Variants in RSU1 observed in about 807,000 individuals in gnomAD.
RSU1 encodes the protein Ras suppressor protein 1.
In RSU1, 26 loss-of-function variants were observed where a neutral mutation model predicts 31.1. That is an observed-to-expected ratio of 0.84 (90% CI 0.61 to 1.16). The LOEUF (loss-of-function observed/expected upper bound fraction) is 1.16, where lower values mean the gene tolerates loss of function less well. Among genes scored for constraint, RSU1 ranks in the 50% most tolerant of loss-of-function variants. The pLI is 0.00. For missense variants in RSU1, 320 were observed against 339.1 expected (o/e 0.94, Z 0.44); for synonymous variants, 164 against 136.3 (o/e 1.20, Z -1.41).
intron 8 of RSU1, among the ~76,000 whole-genome samples, chr10:16,674,344 T>G (rs922040083): frequency 6.6e-6 from 1 of 150,386 alleles, no homozygotes; most frequent in Non-Finnish European, 1.5e-5. Flanking sequence ...TCTGAGCAAC[T>G]CAGACACAAG....
At chr10:16,673,273 G>C (rs1444339904) in intron 8 of RSU1, among the ~76,000 whole-genome samples, 1 of 152,208 alleles carries the variant, frequency 6.6e-6, no homozygotes. Flanking sequence ...TGGAGTCCCT[G>C]TTTCTCTTTT....
At position 16,593,045 on chromosome 10, in the gene RSU1, C is replaced by G; in HGVS notation, c.*349G>C. The stretch of plus-strand genomic sequence containing the variant: ...AAAGAGTGAAAAGTGTTAACAGTGA[C>G]ATTTAAATGGTTACATGATTTTAAT... On this transcript the variant is annotated 3_prime_UTR_variant, in exon 9 of 9. Transcript: ENST00000345264. 1 of 178,392 alleles carries G rather than the reference C, an allele frequency of 5.6e-6. No homozygotes were observed. The highest frequency in any genetic ancestry group is 1.2e-5 in the Non-Finnish European group (1 of 84,604). The allele number at this position is 178,392 out of a possible 1,614,324, so 11.1% of individuals were successfully genotyped here.
chr10:16,714,396 T>C (rs1315764500), intron 7 of RSU1, among the ~76,000 whole-genome samples: 1 of 152,182 alleles, frequency 6.6e-6, no homozygotes, highest in African/African-American at 2.4e-5. Flanking sequence ...CTGGACCAGC[T>C]GTCAGGCTAG....
chr10:16,737,390 C>T (rs1187390385), intron 7 of RSU1, among the ~76,000 whole-genome samples: 1 of 151,110 alleles, frequency 6.6e-6, no homozygotes, highest in Non-Finnish European at 1.5e-5. Flanking sequence ...ACACAGAGAA[C>T]AATGTAAGAA....
At chr10:16,778,116 G>A (rs1837573613) in intron 3 of RSU1, among the ~76,000 whole-genome samples, 2 of 150,618 alleles carry the variant, frequency 1.3e-5, no homozygotes. Flanking sequence ...AAACTCCTGG[G>A]TTGAAGTGAT....
chr10:16,776,570 G>A (rs1047806642), intron 3 of RSU1, among the ~76,000 whole-genome samples: 3 of 151,720 alleles, frequency 2.0e-5, no homozygotes, highest in African/African-American at 7.3e-5. Flanking sequence ...TAAATGATGA[G>A]ATATGGTCAC....
intron 7 of RSU1, among the ~76,000 whole-genome samples, chr10:16,733,369 G>A (rs1366178729): frequency 1.3e-5 from 2 of 150,472 alleles, no homozygotes; most frequent in Non-Finnish European, 3.0e-5. Context: ...TGAGCCAAGC[G>A]TGGTGGCAGG....
chr10:16,789,889 T>G (rs1230035343), intron 2 of RSU1, among the ~76,000 whole-genome samples: 1 of 152,212 alleles, frequency 6.6e-6, no homozygotes, highest in Non-Finnish European at 1.5e-5. Flanking sequence ...AAAATTCAAC[T>G]CAGTAACTAA....
chr10:16,766,208 C>T (rs1184509412), intron 3 of RSU1, among the ~76,000 whole-genome samples: 3 of 152,150 alleles, frequency 2.0e-5, no homozygotes, highest in Admixed American at 6.5e-5. Context: ...TGCGCGAGCT[C>T]CGGAAGTGGC....
intron 8 of RSU1, among the ~76,000 whole-genome samples, chr10:16,679,869 G>GT (rs71374699): frequency 0.019 from 2,311 of 124,264 alleles, 84 homozygotes; most frequent in Non-Finnish European, 0.027. Flanking sequence ...AAAGACTCAA[G>GT]TTTTTTTTTT....
chr10:16,718,094 A>AT (rs1034407411), intron 7 of RSU1, among the ~76,000 whole-genome samples: 55 of 70,852 alleles, frequency 7.8e-4, no homozygotes, highest in African/African-American at 4.0e-3. Flanking sequence ...AGCTCAATTT[A>AT]TTTAAAAAAA....
intron 7 of RSU1, among the ~76,000 whole-genome samples, chr10:16,732,142 G>A (rs914646188): frequency 6.6e-6 from 1 of 152,104 alleles, no homozygotes; most frequent in African/African-American, 2.4e-5. Context: ...GAGTGCTCAT[G>A]GGAAGTACAC....
intron 4 of RSU1, among the ~76,000 whole-genome samples, chr10:16,760,877 T>C (rs190400585): frequency 1.1e-3 from 169 of 152,274 alleles, no homozygotes; most frequent in Non-Finnish European, 1.8e-3. Context: ...TGACCATATC[T>C]CCTATCTGCT....
At chr10:16,785,702 T>G (rs1837777690) in intron 2 of RSU1, among the ~76,000 whole-genome samples, 1 of 151,746 alleles carries the variant, frequency 6.6e-6, no homozygotes, top group African/African-American at 2.4e-5. Context: ...ATCAGCATCT[T>G]TGGCAGGGAT....
At chr10:16,799,255 C>T (rs185714763) in intron 2 of RSU1, among the ~76,000 whole-genome samples, 48 of 152,220 alleles carry the variant, frequency 3.2e-4, no homozygotes, top group South Asian at 1.0e-3. Flanking sequence ...AGATTCTGGA[C>T]GTTGTCACTA....
At chr10:16,809,412 A>G (rs550157330) in intron 2 of RSU1, among the ~76,000 whole-genome samples, 1 of 152,298 alleles carries the variant, frequency 6.6e-6, no homozygotes, top group African/African-American at 2.4e-5. Flanking sequence ...AACCTGGCGA[A>G]TGAAGGTGGA....
chr10:16,713,433 C>G (rs1024740835), intron 7 of RSU1, among the ~76,000 whole-genome samples: 2 of 152,132 alleles, frequency 1.3e-5, no homozygotes, highest in African/African-American at 4.8e-5. Flanking sequence ...ATTCAAGAGG[C>G]CTGTCTTCAA....
chr10:16,771,492 T>C (rs1837423689), intron 3 of RSU1, among the ~76,000 whole-genome samples: 1 of 152,212 alleles, frequency 6.6e-6, no homozygotes, highest in Admixed American at 6.5e-5. Flanking sequence ...ATTACATACA[T>C]GCCGATTCTT....
At chr10:16,605,645 T>C (rs982966267) in intron 8 of RSU1, among the ~76,000 whole-genome samples, 6 of 152,148 alleles carry the variant, frequency 3.9e-5, no homozygotes, top group African/African-American at 1.4e-4. Context: ...ATCAGGTGAC[T>C]ACCATCAGCT....
Sources: allele counts gnomAD v4.1 joint callset (sites outside exome capture counted in the v4.1 genomes callset), GRCh38; gene constraint gnomAD v4.1.1; transcripts MANE v1.5; gene names NCBI Gene and HGNC (gene_info 2026-07-23, HGNC 2026-07-21).